Variants in EIF3L observed in about 807,000 individuals in gnomAD.
EIF3L encodes the protein eIEF associated protein HSPC021.
A neutral mutation model predicts 74.6 loss-of-function variants in EIF3L; 32 were observed. The observed-to-expected ratio is 0.43, with a 90% CI of 0.32 to 0.58. EIF3L has a LOEUF of 0.58. EIF3L is among the 20% of genes least tolerant of loss of function. The pLI is 0.06. For synonymous variants in EIF3L, 256 were observed against 254.4 expected (o/e 1.01, Z -0.06); for missense variants, 474 against 707.8 (o/e 0.67, Z 3.75).
rs555646449 is a variant in EIF3L at position 37,861,006 on chromosome 22, C to T, written c.436-1963C>T. Among the ~76,000 whole-genome samples, 209 of 152,184 alleles carry T rather than the reference C, an allele frequency of 1.4e-3. 1 individual carries two copies. Among genetic ancestry groups the T allele is most frequent in the African/African-American group, 4.7e-3 (195 of 41,530 alleles). On this transcript the variant is annotated intron_variant, in intron 5 of 12. Transcript: ENST00000652021. ...CACTTCAGAGCACTTATCTCTTGTACGTTGTATTTGTTTATTTAGGGGAGG... is the reference window on the plus strand; with the variant it reads ...CACTTCAGAGCACTTATCTCTTGTATGTTGTATTTGTTTATTTAGGGGAGG...
intron 1 of EIF3L, chr22:37,849,692 CT>C (rs1925059819): frequency 4.8e-6 from 3 of 623,398 alleles, no homozygotes; most frequent in Non-Finnish European, 8.3e-6. Flanking sequence ...TGTCCTTCCC[CT>C]TTCTAAGACC....
chr22:37,888,072 G>A lies in EIF3L; in HGVS notation c.1657-354G>A, dbSNP rs112463069. Reference sequence around the variant, plus strand: ...TTAGATCACATCTGTCAGGGTGGTGGGCTAGGGCTGTCTTCTAACAAGGAT... The same window carrying A: ...TTAGATCACATCTGTCAGGGTGGTGAGCTAGGGCTGTCTTCTAACAAGGAT... On this transcript the variant is annotated intron_variant, in intron 12 of 12. Transcript: ENST00000652021. 667 of 217,016 alleles carry A rather than the reference G, an allele frequency of 3.1e-3. 3 individuals are homozygous for A. Among genetic ancestry groups the A allele is most frequent in the African/African-American group, 0.014 (632 of 43,964 alleles). The allele number at this position is 217,016 out of a possible 1,614,324, so 13.4% of individuals were successfully genotyped here.
In EIF3L at chr22:37,889,061, T is replaced by C. The variant is rs1308151576; in HGVS notation, c.*597T>C. 2 of 152,158 alleles carry C rather than the reference T, an allele frequency of 1.3e-5. No homozygotes were observed. Among genetic ancestry groups the C allele is most frequent in the Admixed American group, 6.6e-5 (1 of 15,236 alleles). 9.4% of individuals were successfully genotyped at this position (152,158 alleles called of 1,614,324 possible). ...CCGCCTAAATTCAAAATCTTTTTGT[T>C]TTTTTTTAGACGGAGTCTCACTCTG... On this transcript the variant is annotated 3_prime_UTR_variant, in exon 13 of 13. Transcript: ENST00000652021.
At chr22:37,868,280 ATT>A (rs750122946) in intron 7 of EIF3L, among the ~76,000 whole-genome samples, 33 of 130,230 alleles carry the variant, frequency 2.5e-4, no homozygotes, top group Admixed American at 3.1e-4. Flanking sequence ...CGCCCTGCTA[ATT>A]TTTTTTTTTT....
At position 37,878,084 on chromosome 22, in the gene EIF3L, G is replaced by A. The variant is rs1261581302; in HGVS notation, c.1488G>A (p.Lys496=). The change falls in exon 11 of 13, where the codon AAG becomes AAA. Residue 496 remains lysine (K), a synonymous_variant. Transcript: ENST00000652021. ...FRIQLLVFKH[K]MKNLVWTSGI... The stretch of plus-strand genomic sequence containing the variant: ...TCCAGCTTCTTGTCTTCAAACACAA[G>A]ATGAAGAACCTCGTGTGGACCAGCG... 6.2e-7 allele frequency: 1 copy of A among 1,614,164 alleles called. No individual in the cohort carries two copies. The highest frequency in any genetic ancestry group is 1.7e-5 in the Admixed American group (1 of 60,004).
intron 3 of EIF3L, among the ~76,000 whole-genome samples, chr22:37,855,129 AG>A (rs1925431134): frequency 6.6e-6 from 1 of 152,186 alleles, no homozygotes; most frequent in Admixed American, 6.5e-5. Context: ...GATAGGCAGC[AG>A]TGTTTAAATT....
chr22:37,878,190 C>A lies in EIF3L; in HGVS notation c.1575+19C>A. On this transcript the variant is annotated intron_variant, in intron 11 of 12. Coordinates refer to ENST00000652021, the MANE Select transcript of EIF3L (RefSeq NM_016091.4). ...TGATAAGGTATGCCTGTCCCCTGGG[C>A]TTGGGGTCTTGTATTAAGTGTTCAG... The A allele has an allele frequency of 6.4e-7, 1 of 1,574,708 alleles. No homozygotes were observed.
At chr22:37,877,647 C>T in intron 10 of EIF3L, 27 bp from the exon 11 acceptor site, 2 of 1,570,660 alleles carry the variant, frequency 1.3e-6, no homozygotes, top group Non-Finnish European at 1.7e-6. Context: ...TCATTTGACC[C>T]AGTACCACTC....
At chr22:37,857,722 TG>T (rs996685038) in intron 4 of EIF3L, among the ~76,000 whole-genome samples, 9 of 151,830 alleles carry the variant, frequency 5.9e-5, no homozygotes, top group African/African-American at 1.9e-4. Flanking sequence ...TTAGTAGAGA[TG>T]GTGTTTCACC....
chr22:37,856,594 A>G (rs1925520699), intron 4 of EIF3L, among the ~76,000 whole-genome samples: 1 of 151,946 alleles, frequency 6.6e-6, no homozygotes, highest in African/African-American at 2.4e-5. Flanking sequence ...CCTGTAATCC[A>G]AGCACTTTGG....
chr22:37,865,478 AT>A (rs991204358), intron 7 of EIF3L, among the ~76,000 whole-genome samples: 6 of 152,306 alleles, frequency 3.9e-5, no homozygotes, highest in African/African-American at 7.2e-5. Context: ...ACCAAAAAAA[AT>A]AAAATATATA....
At position 37,864,787 on chromosome 22, in the gene EIF3L, CCTT is replaced by C. The variant is rs1395270023; in HGVS notation, c.579+1443_579+1445del. Among the ~76,000 whole-genome samples, 4 of 152,142 alleles carry C rather than the reference CCTT, an allele frequency of 2.6e-5. No homozygotes were observed. The East Asian group carries it at 7.8e-4, about 30-fold the overall frequency. On this transcript the variant is annotated intron_variant, in intron 7 of 12. Transcript: ENST00000652021. Reference sequence around the variant, plus strand: ...CTCCCAACTTCAGGTGATCCGCCCTCCTTGGCCTCCCAAAGTGCTGGGATTACA... The same window carrying C: ...CTCCCAACTTCAGGTGATCCGCCCTCGGCCTCCCAAAGTGCTGGGATTACA...
intron 11 of EIF3L, chr22:37,884,901 C>CTTTT (rs10605799): frequency 2.5e-4 from 9 of 36,030 alleles, no homozygotes; most frequent in East Asian, 1.2e-3. Flanking sequence ...CATGTCAAGC[C>CTTTT]TTTTTTTTTT....
intron 10 of EIF3L, 66 bp downstream of exon 10, chr22:37,876,077 A>G: frequency 2.6e-6 from 4 of 1,537,100 alleles, no homozygotes; most frequent in Non-Finnish European, 2.7e-6. Flanking sequence ...ACCTATGCCA[A>G]CCATTCTTGG....
At chr22:37,855,449 A>G (rs1925449298) in intron 3 of EIF3L, 116 bp from the exon 4 acceptor site, 1 of 855,948 alleles carries the variant, frequency 1.2e-6, no homozygotes, top group East Asian at 2.6e-5. Flanking sequence ...CTTTGGCCTC[A>G]GCTCTGTTTA....
At chr22:37,864,633 G>A (rs1926047307) in intron 7 of EIF3L, among the ~76,000 whole-genome samples, 1 of 151,786 alleles carries the variant, frequency 6.6e-6, no homozygotes, top group Non-Finnish European at 1.5e-5. Context: ...CTGCCTCCCG[G>A]GTTCAAGCGA....
rs1446875361 is a variant in EIF3L, at chr22:37,888,699, G to C, written c.*235G>C. 3.6e-6 allele frequency: 2 copies of C among 555,482 alleles called. No individual in the cohort carries two copies. Among genetic ancestry groups the C allele is most frequent in the South Asian group, 2.4e-5 (1 of 41,918 alleles). 34.4% of individuals were successfully genotyped at this position (555,482 alleles called of 1,614,324 possible). ...CAGTAATACATTTCCCATGTGTCCT[G>C]ATGCTTTCAGGATACATCAGTTGTT... On this transcript the variant is annotated 3_prime_UTR_variant, in exon 13 of 13. Transcript: ENST00000652021.
intron 9 of EIF3L, 34 bp from the exon 10 acceptor site, chr22:37,875,807 G>A: frequency 1.9e-6 from 3 of 1,593,554 alleles, no homozygotes; most frequent in Non-Finnish European, 2.6e-6. Flanking sequence ...GATGAATTGG[G>A]ACTCATGAAT....
chr22:37,856,355 G>A (rs1925505681), intron 4 of EIF3L, among the ~76,000 whole-genome samples: 1 of 152,004 alleles, frequency 6.6e-6, no homozygotes, highest in Admixed American at 6.6e-5. Context: ...AGGATTATAG[G>A]CATGAGCCAC....
Sources: allele counts gnomAD v4.1 joint callset (sites outside exome capture counted in the v4.1 genomes callset), GRCh38; gene constraint gnomAD v4.1.1; transcripts MANE v1.5; gene names NCBI Gene and HGNC (gene_info 2026-07-23, HGNC 2026-07-21).